The following RBBP8 variants were observed in gnomAD, a reference collection of about 807,000 sequenced individuals.
RBBP8 encodes the protein RB binding protein 8, endonuclease.
RBBP8 carries 88 observed loss-of-function variants against 108.3 expected under a neutral mutation model. The observed-to-expected ratio is 0.81, with a 90% CI of 0.68 to 0.97. The LOEUF (loss-of-function observed/expected upper bound fraction) is 0.97, where lower values mean the gene tolerates loss of function less well. RBBP8 is among the 50% of genes least tolerant of loss of function. RBBP8 has a pLI of 0.00. For synonymous variants in RBBP8, 332 were observed against 348.2 expected (o/e 0.95, Z 0.52); for missense variants, 1,023 against 1,049.0 (o/e 0.98, Z 0.34).
chr18:22,946,259 T>C, intron 2 of RBBP8, 185 bp from the exon 3 acceptor site: 1 of 664,746 alleles, frequency 1.5e-6, no homozygotes, highest in South Asian at 2.1e-5. Context: ...TGTCATATGA[T>C]AGACTAAAAG....
At chr18:23,007,955 G>T (rs2046086818) in intron 16 of RBBP8, among the ~76,000 whole-genome samples, 1 of 151,722 alleles carries the variant, frequency 6.6e-6, no homozygotes, top group South Asian at 2.1e-4. Context: ...TGGGATTACA[G>T]GTGCCCACCA....
At chr18:23,000,435 T>G (rs143211671) in intron 14 of RBBP8, among the ~76,000 whole-genome samples, 5 of 152,288 alleles carry the variant, frequency 3.3e-5, no homozygotes, top group African/African-American at 7.2e-5. Flanking sequence ...TTTTTGCTAC[T>G]TCATTACAAA....
At chr18:22,976,848 C>G (rs1009816501) in intron 6 of RBBP8, among the ~76,000 whole-genome samples, 1 of 152,046 alleles carries the variant, frequency 6.6e-6, no homozygotes, top group Non-Finnish European at 1.5e-5. Flanking sequence ...GCCTCAAAAA[C>G]CAATGTGTAT....
intron 5 of RBBP8, among the ~76,000 whole-genome samples, chr18:22,972,718 A>G (rs1391809928): frequency 6.6e-6 from 1 of 152,226 alleles, no homozygotes; most frequent in African/African-American, 2.4e-5. Flanking sequence ...ATTTTAAAGC[A>G]CTTAACTTTG....
intron 14 of RBBP8, among the ~76,000 whole-genome samples, chr18:22,998,486 C>T (rs552256572): frequency 6.6e-6 from 1 of 152,194 alleles, no homozygotes; most frequent in Non-Finnish European, 1.5e-5. Flanking sequence ...AGCAACATTC[C>T]TAACTGTAGA....
intron 16 of RBBP8, among the ~76,000 whole-genome samples, chr18:23,006,789 A>G (rs1341336498): frequency 6.6e-6 from 1 of 152,192 alleles, no homozygotes; most frequent in Admixed American, 6.5e-5. Flanking sequence ...GGCTTGAGCC[A>G]CCACACCTGG....
intron 3 of RBBP8, among the ~76,000 whole-genome samples, chr18:22,924,014 TGAGA>T (rs1279040853): frequency 6.6e-6 from 1 of 152,152 alleles, no homozygotes; most frequent in Non-Finnish European, 1.5e-5. Context: ...CAATCCTGAC[TGAGA>T]AAGTCCAGTT....
chr18:22,989,255 G>A lies in RBBP8; in HGVS notation c.744G>A (p.Lys248=). 2 of 1,610,852 alleles carry A rather than the reference G, an allele frequency of 1.2e-6. No homozygotes were observed. Among genetic ancestry groups the A allele is most frequent in the Non-Finnish European group, 1.7e-6 (2 of 1,177,430 alleles). The part of the protein sequence containing the change: ...AHGTSSYTPD[K]SSFNLATVVA... ...GAACAAGCAGCTATACCCCTGATAA[G>A]TCATCTTTTAATTTAGCTACAGTTG... is the stretch of plus-strand genomic sequence containing the variant. Residue 248 remains lysine, a synonymous_variant, in exon 9 of 19, where the codon AAG becomes AAA. Coordinates refer to ENST00000327155, the MANE Select transcript of RBBP8 (RefSeq NM_002894.3).
intron 17 of RBBP8, 50 bp from the exon 18 acceptor site, chr18:23,022,079 A>G: frequency 7.1e-7 from 1 of 1,415,748 alleles, no homozygotes; most frequent in Non-Finnish European, 1.0e-6. Flanking sequence ...TAAGCATAAC[A>G]CTCCATTTAT....
chr18:22,958,641 G>GC (rs1307071280), intron 4 of RBBP8, among the ~76,000 whole-genome samples: 1 of 152,070 alleles, frequency 6.6e-6, no homozygotes, highest in Non-Finnish European at 1.5e-5. Context: ...TACCTCCCAG[G>GC]CCCAAGTGAT....
intron 16 of RBBP8, 104 bp downstream of exon 16, chr18:23,006,536 C>G (rs1049674280): frequency 5.9e-6 from 6 of 1,017,148 alleles, no homozygotes; most frequent in Non-Finnish European, 9.0e-6. Flanking sequence ...GAGTCTTGCT[C>G]TGTCACCCAG....
chr18:22,935,836 A>G (rs930434863), intron 1 of RBBP8, among the ~76,000 whole-genome samples: 1 of 152,178 alleles, frequency 6.6e-6, no homozygotes, highest in Non-Finnish European at 1.5e-5. Flanking sequence ...CTTTATTCTA[A>G]GAGAGGCATG....
At chr18:23,021,163 A>G (rs911019501) in intron 17 of RBBP8, among the ~76,000 whole-genome samples, 1 of 152,204 alleles carries the variant, frequency 6.6e-6, no homozygotes, top group Non-Finnish European at 1.5e-5. Flanking sequence ...TAATCCCAGC[A>G]CTTTGGGAGT....
At chr18:22,949,516 T>C (rs1911846083) in intron 3 of RBBP8, 102 bp from the exon 4 acceptor site, 7 of 872,640 alleles carry the variant, frequency 8.0e-6, no homozygotes. Context: ...AGTTGTTTTG[T>C]TTTGGTACAA....
At chr18:22,967,757 C>G (rs1008252541) in intron 4 of RBBP8, among the ~76,000 whole-genome samples, 7 of 151,682 alleles carry the variant, frequency 4.6e-5, no homozygotes, top group African/African-American at 1.7e-4. Context: ...CGCCATTCTC[C>G]TGCCTCAGCC....
rs556806184 is a variant in RBBP8 at position 23,010,890 on chromosome 18, G to C, written c.2357+4458G>C. ...TGAGGTCTACTACAGATGCTGTTCTGCTAGGAGATTCCCTACGTCACGATA... is the reference window on the plus strand; with the variant it reads ...TGAGGTCTACTACAGATGCTGTTCTCCTAGGAGATTCCCTACGTCACGATA... On this transcript the variant is annotated intron_variant, in intron 16 of 18. Transcript: ENST00000327155. Among the ~76,000 whole-genome samples, 6 of 152,300 alleles carry C rather than the reference G, an allele frequency of 3.9e-5. No homozygotes were observed. The East Asian group carries it at 9.6e-4, about 24-fold the overall frequency.
chr18:22,929,911 A>C (rs1268791376), upstream of RBBP8, among the ~76,000 whole-genome samples: 5 of 152,188 alleles, frequency 3.3e-5, no homozygotes, highest in Admixed American at 6.5e-5. Context: ...TATTTTAAGG[A>C]TTAACTGATG....
chr18:22,966,993 T>G (rs983980525), intron 4 of RBBP8, among the ~76,000 whole-genome samples: 2 of 151,516 alleles, frequency 1.3e-5, no homozygotes, highest in Non-Finnish European at 2.9e-5. Context: ...CCCAAAGTAC[T>G]GGGATTACAG....
intron 16 of RBBP8, among the ~76,000 whole-genome samples, chr18:23,007,102 CCT>C: frequency 6.7e-6 from 1 of 150,142 alleles, no homozygotes; most frequent in South Asian, 2.1e-4. Flanking sequence ...CTCACTGCAA[CCT>C]CTGTCTCCTG....
Sources: gnomAD v4.1 joint callset for allele counts (sites outside exome capture counted in the v4.1 genomes callset) on GRCh38, gnomAD v4.1.1 for gene constraint, MANE v1.5 for transcripts, NCBI Gene and HGNC (gene_info 2026-07-23, HGNC 2026-07-21) for gene names.